MACROD2: variants seen among roughly 807,000 people sequenced by gnomAD.
MACROD2 encodes ADP-ribose glycohydrolase MACROD2.
Under a neutral mutation model 70.4 loss-of-function variants are expected in MACROD2, and 36 were observed. The observed-to-expected ratio is 0.51, with a 90% confidence interval of 0.39 to 0.68. The LOEUF is 0.68. Ranked by LOEUF, MACROD2 falls within the 30% of genes least tolerant of loss-of-function variation. The pLI, the probability that MACROD2 is intolerant of heterozygous loss-of-function variation, is 0.00. For synonymous variants in MACROD2, 172 were observed against 178.8 expected, an observed-to-expected ratio of 0.96 and a Z score of 0.30; for missense variants, 496 against 538.4, an observed-to-expected ratio of 0.92 and a Z score of 0.78.
At chr20:15,899,213 C>T (rs1299116394) in intron 10 of MACROD2, among the ~76,000 whole-genome samples, 1 of 151,868 alleles carries the variant, frequency 6.6e-6, no homozygotes, top group Non-Finnish European at 1.5e-5. Flanking sequence ...TCTAATCACA[C>T]AGACATATAT....
At chr20:15,217,580 C>G (rs1284350866) in intron 5 of MACROD2, among the ~76,000 whole-genome samples, 5 of 151,926 alleles carry the variant, frequency 3.3e-5, no homozygotes, top group Admixed American at 1.3e-4. Context: ...AACATATTTT[C>G]CTACTCATAC....
chr20:14,940,537 T>A (rs779657800), intron 5 of MACROD2, among the ~76,000 whole-genome samples: 1 of 152,208 alleles, frequency 6.6e-6, no homozygotes, highest in Non-Finnish European at 1.5e-5. Context: ...GCTGTGGGTT[T>A]TGTCATATAG....
intron 3 of MACROD2, among the ~76,000 whole-genome samples, chr20:14,107,860 G>T (rs2054391733): frequency 6.6e-6 from 1 of 152,064 alleles, no homozygotes; most frequent in African/African-American, 2.4e-5. Context: ...CACCAGAATT[G>T]ACCTACAAGA....
chr20:14,121,853 A>G (rs986512161), intron 3 of MACROD2, among the ~76,000 whole-genome samples: 1 of 152,216 alleles, frequency 6.6e-6, no homozygotes, highest in African/African-American at 2.4e-5. Flanking sequence ...GTATGAAAAC[A>G]TCTTGGTTGT....
At chr20:14,634,516 A>G (rs544070301) in intron 4 of MACROD2, among the ~76,000 whole-genome samples, 98 of 152,076 alleles carry the variant, frequency 6.4e-4, no homozygotes, top group African/African-American at 2.3e-3. Flanking sequence ...TTTGGTCACA[A>G]TTTTGGCTTT....
chr20:15,327,126 G>A (rs751710504), intron 6 of MACROD2, among the ~76,000 whole-genome samples: 2 of 152,198 alleles, frequency 1.3e-5, no homozygotes, highest in South Asian at 4.1e-4. Context: ...TGCTAGGTTT[G>A]ACAAAGAGTG....
chr20:14,879,446 T>C (rs2073586895), intron 5 of MACROD2, among the ~76,000 whole-genome samples: 1 of 152,320 alleles, frequency 6.6e-6, no homozygotes, highest in South Asian at 2.1e-4. Flanking sequence ...TATACACATA[T>C]AGATTTGACA....
intron 8 of MACROD2, among the ~76,000 whole-genome samples, chr20:15,695,524 C>T (rs1262299947): frequency 1.3e-5 from 2 of 151,824 alleles, no homozygotes; most frequent in Admixed American, 6.6e-5. Flanking sequence ...AATTCTCTTG[C>T]CTCAGCCTCC....
intron 4 of MACROD2, among the ~76,000 whole-genome samples, chr20:14,669,455 A>G (rs1568729862): frequency 1.3e-5 from 2 of 152,028 alleles, no homozygotes. Flanking sequence ...ACCTAAAGCC[A>G]TTTAGTATTT....
intron 3 of MACROD2, among the ~76,000 whole-genome samples, chr20:14,309,908 G>T (rs1348834362): frequency 6.6e-6 from 1 of 152,122 alleles, no homozygotes; most frequent in African/African-American, 2.4e-5. Flanking sequence ...TTATGTTATT[G>T]TGCTAGTATT....
At chr20:14,166,192 A>T (rs186927716) in intron 3 of MACROD2, among the ~76,000 whole-genome samples, 3 of 152,280 alleles carry the variant, frequency 2.0e-5, no homozygotes, top group Non-Finnish European at 1.5e-5. Context: ...ATATTTTGTG[A>T]TGGTCATAGG....
At chr20:14,718,290 C>G (rs1228281717) in intron 5 of MACROD2, among the ~76,000 whole-genome samples, 1 of 35,758 alleles carries the variant, frequency 2.8e-5, no homozygotes, top group South Asian at 2.8e-3. Flanking sequence ...GAGACTCTGT[C>G]TCAAAAAAAA....
intron 7 of MACROD2, among the ~76,000 whole-genome samples, chr20:15,464,267 CA>C (rs1306937672): frequency 6.6e-6 from 1 of 152,204 alleles, no homozygotes; most frequent in Non-Finnish European, 1.5e-5. Flanking sequence ...CCTCCTGCTT[CA>C]GCCTCCCAAC....
chr20:15,527,026 G>A (rs1046440160), intron 8 of MACROD2, among the ~76,000 whole-genome samples: 3 of 152,158 alleles, frequency 2.0e-5, no homozygotes, highest in African/African-American at 4.8e-5. Context: ...GTGGGTGAAT[G>A]CCAAAATATT....
chr20:14,782,845 T>C (rs2072319193), intron 5 of MACROD2, among the ~76,000 whole-genome samples: 1 of 152,076 alleles, frequency 6.6e-6, no homozygotes, highest in South Asian at 2.1e-4. Context: ...AAAAAGAACA[T>C]GCCGCATTAC....
At chr20:14,431,052 T>C (rs2083989375) in intron 3 of MACROD2, among the ~76,000 whole-genome samples, 1 of 152,114 alleles carries the variant, frequency 6.6e-6, no homozygotes, top group African/African-American at 2.4e-5. Flanking sequence ...GTATTTTGGG[T>C]TTCCTTTTTT....
chr20:15,759,682 G>C (rs2051406153), intron 8 of MACROD2, among the ~76,000 whole-genome samples: 1 of 152,224 alleles, frequency 6.6e-6, no homozygotes. Context: ...TGATGGCTCA[G>C]TCTTGCTTTG....
chr20:15,775,516 A>G (rs2051707125), intron 8 of MACROD2, among the ~76,000 whole-genome samples: 1 of 152,092 alleles, frequency 6.6e-6, no homozygotes, highest in Non-Finnish European at 1.5e-5. Context: ...CTGACCTCCC[A>G]TTTCATTATG....
At chr20:14,208,237 A>G (rs893154763) in intron 3 of MACROD2, among the ~76,000 whole-genome samples, 4 of 152,208 alleles carry the variant, frequency 2.6e-5, no homozygotes, top group Non-Finnish European at 5.9e-5. Flanking sequence ...GGTCTTGGGT[A>G]TATTGAATCA....
Sources: allele counts gnomAD v4.1 joint callset (sites outside exome capture counted in the v4.1 genomes callset), GRCh38; gene constraint gnomAD v4.1.1; transcripts MANE v1.5; gene names NCBI Gene and HGNC (gene_info 2026-07-23, HGNC 2026-07-21).